The following LDHAL6A variants were observed in gnomAD, a reference collection of about 807,000 sequenced individuals.
The protein encoded by LDHAL6A is L-lactate dehydrogenase A-like 6A.
Under a neutral mutation model 28.2 loss-of-function variants are expected in LDHAL6A, and 19 were observed. The ratio of observed to expected loss-of-function variants is 0.67; its 90% confidence interval spans 0.47 to 0.99. The LOEUF (loss-of-function observed/expected upper bound fraction) is 0.99, where lower values mean the gene tolerates loss of function less well. Among genes scored for constraint, LDHAL6A ranks in the 50% least tolerant of loss-of-function variants. LDHAL6A has a pLI of 0.00. For missense variants in LDHAL6A, 372 were observed against 398.6 expected, an observed-to-expected ratio of 0.93 and a Z score of 0.57; for synonymous variants, 144 against 134.4, an observed-to-expected ratio of 1.07 and a Z score of -0.49.
rs1217931748 is a variant in LDHAL6A at position 18,477,173 on chromosome 11, C to T, written c.711-447C>T. The stretch of plus-strand genomic sequence containing the variant: ...TCTCTCAAAAATGCATATATATGGC[C>T]GGGCGTGGTGGCTCATGCCTCATGC... On this transcript the variant is annotated intron_variant, in intron 5 of 6. Coordinates refer to ENST00000280706, the MANE Select transcript of LDHAL6A (RefSeq NM_144972.5). Among the ~76,000 whole-genome samples, 7 of 151,054 alleles carry T rather than the reference C, an allele frequency of 4.6e-5. 1 individual carries two copies. The highest frequency in any genetic ancestry group is 4.2e-4 in the South Asian group (2 of 4,750).
Position 18,465,758 on chromosome 11 carries a change from C to T in LDHAL6A, c.366C>T (p.Pro122=). The change falls in exon 3 of 7, where the codon CCC becomes CCT. Residue 122 remains proline, a synonymous_variant. Coordinates refer to ENST00000280706, the MANE Select transcript of LDHAL6A (RefSeq NM_144972.5). ...TATCCATCTTTAAATTAATGATTCC[C>T]AATATTACCCAGTACAGTCCTCACT... ...RNVSIFKLMI[P]NITQYSPHCK... The T allele has an allele frequency of 6.2e-7, 1 of 1,613,356 alleles. No individual in the cohort carries two copies. The highest frequency in any genetic ancestry group is 1.1e-5 in the South Asian group (1 of 91,058).
At chr11:18,470,897 G>T (rs1238392616) in intron 3 of LDHAL6A, among the ~76,000 whole-genome samples, 1 of 152,070 alleles carries the variant, frequency 6.6e-6, no homozygotes, top group Non-Finnish European at 1.5e-5. Context: ...ATGATGGCCA[G>T]TCTGGTCTCA....
chr11:18,478,996 G>T lies in LDHAL6A; in HGVS notation c.*126G>T. ...AATAGAGGAAAGAGTGACCTATTTA[G>T]TATAGCCTTCCAGCTTTTTTTTTTT... On this transcript the variant is annotated 3_prime_UTR_variant, in exon 7 of 7. Coordinates refer to ENST00000280706, the MANE Select transcript of LDHAL6A (RefSeq NM_144972.5). 4 of 775,818 alleles carry T rather than the reference G, an allele frequency of 5.2e-6. No homozygotes were observed. The highest frequency in any genetic ancestry group is 4.0e-4 in the Middle Eastern group (1 of 2,484). 48.1% of individuals were successfully genotyped at this position (775,818 alleles called of 1,614,324 possible). A position where few individuals can be genotyped will look rare whatever the true frequency, so the allele number is the denominator to read the frequency against.
At chr11:18,466,173 AC>A (rs2133873192) in intron 3 of LDHAL6A, among the ~76,000 whole-genome samples, 1 of 152,260 alleles carries the variant, frequency 6.6e-6, no homozygotes, top group East Asian at 1.9e-4. Flanking sequence ...GCTGCATAGG[AC>A]AGCTTTATTT....
intron 2 of LDHAL6A, 68 bp from the exon 3 acceptor site, chr11:18,465,569 A>G: frequency 7.5e-7 from 1 of 1,336,790 alleles, no homozygotes; most frequent in Non-Finnish European, 1.0e-6. Flanking sequence ...ATTGAAGTGA[A>G]CAGGAAGTAT....
chr11:18,470,690 C>CT lies in LDHAL6A; in HGVS notation c.419-4762dup, dbSNP rs573072507. Among the ~76,000 whole-genome samples, 1,234 of 143,666 alleles carry CT rather than the reference C, an allele frequency of 8.6e-3. 13 individuals are homozygous for CT. The highest frequency in any genetic ancestry group is 0.023 in the African/African-American group (926 of 39,466). The allele number at this position is 143,666 out of a possible 152,430, so 94.3% of individuals were successfully genotyped here. On this transcript the variant is annotated intron_variant, in intron 3 of 6. Coordinates refer to ENST00000280706, the MANE Select transcript of LDHAL6A (RefSeq NM_144972.5). Reference sequence around the variant, plus strand: ...CACATTTACCTATTTACCTAGCACACTTTTTTTTTTTTTTGAGATGGAGTC... The same window carrying CT: ...CACATTTACCTATTTACCTAGCACACTTTTTTTTTTTTTTTGAGATGGAGTC...
intron 3 of LDHAL6A, among the ~76,000 whole-genome samples, chr11:18,474,279 A>G (rs1849315594): frequency 6.6e-6 from 1 of 151,762 alleles, no homozygotes; most frequent in African/African-American, 2.4e-5. Context: ...GGGTTTCACC[A>G]TGTTGACCAG....
intron 3 of LDHAL6A, chr11:18,469,343 G>A (rs75031057): frequency 4.8e-6 from 2 of 420,544 alleles, no homozygotes; most frequent in African/African-American, 4.1e-5. Context: ...TAACAAATTA[G>A]GAAAAACAAA....
intron 1 of LDHAL6A, among the ~76,000 whole-genome samples, chr11:18,460,594 C>CAAA (rs34780803): frequency 4.8e-4 from 43 of 90,300 alleles, no homozygotes; most frequent in Admixed American, 8.4e-4. Flanking sequence ...AACTCCGTCT[C>CAAA]AAAAAAAAAA....
chr11:18,477,520 G>A (rs1290424012), intron 5 of LDHAL6A, 100 bp from the exon 6 acceptor site: 3 of 1,014,516 alleles, frequency 3.0e-6, no homozygotes, highest in African/African-American at 1.7e-5. Flanking sequence ...TGTTGATGGA[G>A]TCACTGCAGT....
chr11:18,465,853 G>C, intron 3 of LDHAL6A, 43 bp downstream of exon 3: 1 of 1,486,532 alleles, frequency 6.7e-7, no homozygotes, highest in East Asian at 2.3e-5. Context: ...AGATTCGGGG[G>C]TACACTGTGT....
chr11:18,457,727 G>T (rs997776482), intron 1 of LDHAL6A, among the ~76,000 whole-genome samples: 1 of 152,016 alleles, frequency 6.6e-6, no homozygotes, highest in Non-Finnish European at 1.5e-5. Flanking sequence ...TTGTTTGATG[G>T]GGCCTCCACG....
At chr11:18,459,673 T>C (rs1848848145) in intron 1 of LDHAL6A, among the ~76,000 whole-genome samples, 1 of 152,244 alleles carries the variant, frequency 6.6e-6, no homozygotes, top group African/African-American at 2.4e-5. Context: ...ATATCACCTT[T>C]AACTAAAGTC....
intron 1 of LDHAL6A, among the ~76,000 whole-genome samples, chr11:18,459,483 C>A (rs984471730): frequency 1.3e-5 from 2 of 152,190 alleles, no homozygotes; most frequent in African/African-American, 4.8e-5. Context: ...TTCCTTGCTC[C>A]TCGGCTTGCA....
chr11:18,462,167 T>C (rs1848927963), intron 1 of LDHAL6A, among the ~76,000 whole-genome samples: 1 of 152,050 alleles, frequency 6.6e-6, no homozygotes, highest in African/African-American at 2.4e-5. Flanking sequence ...AGCAAGCCCC[T>C]GTCTCAGAAA....
intron 1 of LDHAL6A, among the ~76,000 whole-genome samples, chr11:18,461,864 A>AG (rs1848917843): frequency 6.6e-6 from 1 of 151,188 alleles, no homozygotes; most frequent in Non-Finnish European, 1.5e-5. Context: ...AAAAAAGAAA[A>AG]AAAAAAAAAA....
At chr11:18,462,645 AACAAAC>A (rs1848951902) in intron 1 of LDHAL6A, among the ~76,000 whole-genome samples, 2 of 70,788 alleles carry the variant, frequency 2.8e-5, no homozygotes, top group African/African-American at 8.5e-5. Flanking sequence ...TCAAAAAACA[AACAAAC>A]AAACAAAAAA....
At chr11:18,462,430 G>GA (rs907083514) in intron 1 of LDHAL6A, among the ~76,000 whole-genome samples, 21 of 151,900 alleles carry the variant, frequency 1.4e-4, no homozygotes, top group Admixed American at 2.0e-4. Context: ...TAGGTCAGGA[G>GA]ATCAAGACCA....
rs761276946 is a variant in LDHAL6A at position 18,465,661 on chromosome 11, A to G, written c.269A>G (p.Asn90Ser). The G allele has an allele frequency of 5.6e-6, 9 of 1,613,984 alleles. No individual in the cohort carries two copies. In the East Asian group the frequency reaches 8.9e-5, roughly 16 times the overall value. ...SKDYLVTANSNLVIITAGARQ... is the reference protein window; with the variant it reads ...SKDYLVTANSSLVIITAGARQ... ...GATTACCTGGTCACTGCAAACTCCA[A>G]TCTAGTGATTATCACAGCAGGTGCA... is the stretch of plus-strand genomic sequence containing the variant. Residue 90 changes from asparagine (N) to serine (S), a missense_variant, in exon 3 of 7, where the codon AAT becomes AGT. Physicochemically the swap from Asn to Ser is conservative, Grantham distance 46 (BLOSUM62 1). Coordinates refer to ENST00000280706, the MANE Select transcript of LDHAL6A (RefSeq NM_144972.5).
Sources: allele counts gnomAD v4.1 joint callset (sites outside exome capture counted in the v4.1 genomes callset), GRCh38; gene constraint gnomAD v4.1.1; transcripts MANE v1.5; gene names NCBI Gene and HGNC (gene_info 2026-07-23, HGNC 2026-07-21).